The following LMBR1 variants were observed in gnomAD, a reference collection of about 807,000 sequenced individuals.
LMBR1 encodes limb development membrane protein 1.
Under a neutral mutation model 73.9 loss-of-function variants are expected in LMBR1, and 52 were observed. That is an observed-to-expected ratio of 0.70 (90% CI 0.56 to 0.89). LMBR1 has a LOEUF of 0.89. Ranked by LOEUF, LMBR1 falls within the 40% of genes least tolerant of loss-of-function variation. The pLI is 0.00. For missense variants in LMBR1, 539 were observed against 579.8 expected (o/e 0.93, Z 0.72); for synonymous variants, 215 against 209.4 (o/e 1.03, Z -0.23).
At chr7:156,761,091 T>G (rs1585615495) in intron 8 of LMBR1, among the ~76,000 whole-genome samples, 2 of 152,194 alleles carry the variant, frequency 1.3e-5, no homozygotes, top group Admixed American at 6.5e-5. Context: ...GGAGACAGAA[T>G]GCATAGAGCC....
At chr7:156,718,610 G>T (rs1466767322) in intron 15 of LMBR1, among the ~76,000 whole-genome samples, 1 of 151,940 alleles carries the variant, frequency 6.6e-6, no homozygotes, top group South Asian at 2.1e-4. Flanking sequence ...GTAAGTAGCT[G>T]CCAGTAGTCC....
At chr7:156,820,810 G>A (rs1563448183) in intron 4 of LMBR1, among the ~76,000 whole-genome samples, 1 of 152,156 alleles carries the variant, frequency 6.6e-6, no homozygotes, top group African/African-American at 2.4e-5. Context: ...AAGGCTCTGC[G>A]GCAGCTCCAG....
At chr7:156,795,200 A>G (rs553118055) in intron 5 of LMBR1, among the ~76,000 whole-genome samples, 5 of 152,292 alleles carry the variant, frequency 3.3e-5, no homozygotes, top group Non-Finnish European at 5.9e-5. Context: ...CCAAGTCCAG[A>G]TTGACTTCCC....
At chr7:156,746,188 AT>A (rs1819822279) in intron 9 of LMBR1, among the ~76,000 whole-genome samples, 1 of 152,222 alleles carries the variant, frequency 6.6e-6, no homozygotes, top group Non-Finnish European at 1.5e-5. Context: ...TTCTTTATCA[AT>A]TAAACTGTGT....
rs571592670 is a variant in LMBR1 at position 156,892,705 on chromosome 7, G to A, written c.66+223C>T. On this transcript the variant is annotated intron_variant, in intron 1 of 16. Transcript: ENST00000353442. ...GGGGAGGCAAGAGCGGAGCGGGGGG[G>A]CAGGCAGAGGAAGCGAAGGGGAGGG... 7.8e-3 allele frequency: 2,687 copies of A among 343,168 alleles called. 67 individuals carry two copies. Among genetic ancestry groups the A allele is most frequent in the African/African-American group, 0.057 (2,406 of 42,146 alleles). 21.3% of individuals were successfully genotyped at this position (343,168 alleles called of 1,614,324 possible).
intron 5 of LMBR1, among the ~76,000 whole-genome samples, chr7:156,778,292 C>T (rs571046272): frequency 9.2e-5 from 14 of 152,276 alleles, no homozygotes; most frequent in African/African-American, 2.9e-4. Flanking sequence ...GAAAAGGCTG[C>T]CACGGTACAA....
chr7:156,750,209 C>T (rs1018971613), intron 9 of LMBR1, among the ~76,000 whole-genome samples: 1 of 152,136 alleles, frequency 6.6e-6, no homozygotes, highest in African/African-American at 2.4e-5. Context: ...CACCCATAGG[C>T]TATACACACA....
intron 3 of LMBR1, among the ~76,000 whole-genome samples, chr7:156,827,229 T>G (rs779288773): frequency 6.6e-6 from 1 of 152,142 alleles, no homozygotes; most frequent in African/African-American, 2.4e-5. Flanking sequence ...TGGCCTGACA[T>G]CTTTTTAATG....
In LMBR1 at chr7:156,669,082, G is replaced by A. The variant is rs1001197107; in HGVS notation, n.1072C>T. ...TAAATTAGACTCAACTGCATGAAAAGTCTATGCGAACTGCTTTCATGGACT... is the reference window on the plus strand; with the variant it reads ...TAAATTAGACTCAACTGCATGAAAAATCTATGCGAACTGCTTTCATGGACT... On this transcript the variant is annotated non_coding_transcript_exon_variant, in exon 5 of 5. Transcript: ENST00000430825. The surrounding 1 kb of genome is among the most constrained non-coding windows in gnomAD (Gnocchi z 4.2). 6.6e-5 allele frequency: 10 copies of A among 152,226 alleles called. No individual in the cohort carries two copies. Among genetic ancestry groups the A allele is most frequent in the African/African-American group, 2.4e-4 (10 of 41,460 alleles). 9.4% of individuals were successfully genotyped at this position (152,226 alleles called of 1,614,324 possible). A position where few individuals can be genotyped will look rare whatever the true frequency, so the allele number is the denominator to read the frequency against.
intron 3 of LMBR1, among the ~76,000 whole-genome samples, chr7:156,826,965 C>G: frequency 6.6e-6 from 1 of 152,050 alleles, no homozygotes; most frequent in East Asian, 1.9e-4. Context: ...GTCAGTAAGT[C>G]TAACAAATAG....
intron 15 of LMBR1, among the ~76,000 whole-genome samples, chr7:156,721,400 T>C (rs1419652759): frequency 1.3e-5 from 2 of 152,086 alleles, no homozygotes; most frequent in Non-Finnish European, 2.9e-5. Flanking sequence ...TCTTCTAAAA[T>C]TCACTGCAAC....
chr7:156,844,921 T>C (rs1839357709), intron 1 of LMBR1, among the ~76,000 whole-genome samples: 1 of 152,198 alleles, frequency 6.6e-6, no homozygotes, highest in African/African-American at 2.4e-5. Flanking sequence ...AAACTAATAT[T>C]CTTAAATTTG....
chr7:156,727,082 C>T (rs1815925102), intron 12 of LMBR1, among the ~76,000 whole-genome samples: 1 of 152,170 alleles, frequency 6.6e-6, no homozygotes, highest in Non-Finnish European at 1.5e-5. Context: ...AGTTTGTCAG[C>T]TTTTCTCTTA....
At chr7:156,853,333 TA>T (rs910858038) in intron 1 of LMBR1, among the ~76,000 whole-genome samples, 42 of 150,350 alleles carry the variant, frequency 2.8e-4, no homozygotes, top group Middle Eastern at 3.5e-3. Flanking sequence ...CTTTCTCTTT[TA>T]AAAAAAAATG....
At chr7:156,691,843 T>C (rs2098042) in intron 15 of LMBR1, among the ~76,000 whole-genome samples, 5,470 of 152,300 alleles carry the variant, frequency 0.036, 183 homozygotes, top group East Asian at 0.15. Flanking sequence ...GACTATGTTT[T>C]CAAATCTCTT....
intron 16 of LMBR1, among the ~76,000 whole-genome samples, chr7:156,686,571 CTATT>C (rs1806065570): frequency 6.6e-6 from 1 of 152,184 alleles, no homozygotes; most frequent in Non-Finnish European, 1.5e-5. Flanking sequence ...GTAAATGTAT[CTATT>C]AGGTAGTTTT....
rs1802343596 is a variant in LMBR1, at chr7:156,670,926, T to G, written n.867-1639A>C. Among the ~76,000 whole-genome samples, 1 of 152,148 alleles carries G rather than the reference T, an allele frequency of 6.6e-6. No homozygotes were observed. The highest frequency in any genetic ancestry group is 1.9e-4 in the East Asian group (1 of 5,190). ...TGTGAGTAAATCTAATAGACATTGATTCCACCGAACAAGAAAACTCATGTC... is the reference window on the plus strand; with the variant it reads ...TGTGAGTAAATCTAATAGACATTGAGTCCACCGAACAAGAAAACTCATGTC... On this transcript the variant is annotated intron_variant and non_coding_transcript_variant, in intron 4 of 4. Coordinates refer to the LMBR1 transcript ENST00000430825. The surrounding 1 kb of genome is among the most constrained non-coding windows in gnomAD (Gnocchi z 4.3).
intron 16 of LMBR1, 138 bp from the exon 17 acceptor site, chr7:156,684,301 G>A (rs1205239186): frequency 2.9e-5 from 20 of 681,858 alleles, no homozygotes; most frequent in Non-Finnish European, 5.0e-5. Context: ...ATCCCCTTGA[G>A]GAATGAATGA....
intron 5 of LMBR1, among the ~76,000 whole-genome samples, chr7:156,770,377 A>C: frequency 6.6e-6 from 1 of 152,184 alleles, no homozygotes; most frequent in East Asian, 1.9e-4. Flanking sequence ...AGAATAAGTC[A>C]AAATATCTGA....
Sources: allele counts gnomAD v4.1 joint callset (sites outside exome capture counted in the v4.1 genomes callset), GRCh38; gene constraint gnomAD v4.1.1; non-coding constraint Gnocchi (gnomAD v3.1); transcripts MANE v1.5; gene names NCBI Gene and HGNC (gene_info 2026-07-23, HGNC 2026-07-21).